Variants in NUB1 observed in about 807,000 individuals in gnomAD.
NUB1 encodes negative regulator of ubiquitin like proteins 1, also known as NEDD8 ultimate buster 1.
Under a neutral mutation model 77.1 loss-of-function variants are expected in NUB1, and 41 were observed. The observed-to-expected ratio is 0.53, with a 90% CI of 0.41 to 0.69. The LOEUF is 0.69. NUB1 is among the 30% of genes least tolerant of loss of function. The pLI is 0.00. For missense variants in NUB1, 643 were observed against 743.8 expected, an observed-to-expected ratio of 0.86 and a Z score of 1.58; for synonymous variants, 257 against 281.0, an observed-to-expected ratio of 0.91 and a Z score of 0.85.
intron 7 of NUB1, among the ~76,000 whole-genome samples, chr7:151,358,389 A>G (rs1797187956): frequency 6.6e-6 from 1 of 152,188 alleles, no homozygotes; most frequent in Non-Finnish European, 1.5e-5. Context: ...CAGGCTGCAG[A>G]TGGGTACCAG....
chr7:151,376,946 T>C lies in NUB1; in HGVS notation c.1670-101T>C, dbSNP rs936773504. 2.4e-5 allele frequency: 34 copies of C among 1,397,854 alleles called. No homozygotes were observed. In the African/African-American group the frequency reaches 4.6e-4, roughly 19 times the overall value. The allele number at this position is 1,397,854 out of a possible 1,614,324, so 86.6% of individuals were successfully genotyped here. A position where few individuals can be genotyped will look rare whatever the true frequency, so the allele number is the denominator to read the frequency against. On this transcript the variant is annotated intron_variant, in intron 14 of 14. Transcript: ENST00000568733. ...GTCACCGGGCCGGCCACCTGGACAG[T>C]GTGGCCAGCAAGAGGCACAGTCTGA...
intron 9 of NUB1, 64 bp downstream of exon 9, chr7:151,367,189 G>C: frequency 7.3e-7 from 1 of 1,378,518 alleles, no homozygotes; most frequent in Non-Finnish European, 1.0e-6. Context: ...GTTTATTCCT[G>C]TTAAAGTATT....
At chr7:151,344,856 C>T (rs2975200) in intron 1 of NUB1, among the ~76,000 whole-genome samples, 53,338 of 151,136 alleles carry the variant, frequency 0.35, 11,031 homozygotes, top group African/African-American at 0.59. Context: ...GAAAATTAGC[C>T]GGGCGTGGTG....
At chr7:151,349,786 C>T (rs1192118243) in intron 3 of NUB1, among the ~76,000 whole-genome samples, 1 of 152,230 alleles carries the variant, frequency 6.6e-6, no homozygotes, top group Non-Finnish European at 1.5e-5. Context: ...TAGGCTCCAG[C>T]CCTACTGGGT....
chr7:151,371,040 G>A (rs912520641), intron 11 of NUB1, among the ~76,000 whole-genome samples: 5 of 152,146 alleles, frequency 3.3e-5, no homozygotes, highest in Non-Finnish European at 7.4e-5. Context: ...GTCTTTTAAA[G>A]TATAGTGGAG....
chr7:151,370,655 T>C (rs1023047454), intron 11 of NUB1, among the ~76,000 whole-genome samples: 5 of 151,710 alleles, frequency 3.3e-5, no homozygotes, highest in African/African-American at 1.2e-4. Flanking sequence ...AACTCGTCAT[T>C]TAGCATTAGG....
intron 2 of NUB1, among the ~76,000 whole-genome samples, chr7:151,347,022 C>T (rs1419681834): frequency 2.6e-5 from 4 of 152,036 alleles, no homozygotes; most frequent in African/African-American, 7.3e-5. Context: ...GTAGGACTTC[C>T]AGTTGGTGTC....
chr7:151,376,334 G>T, intron 13 of NUB1: 1 of 489,824 alleles, frequency 2.0e-6, no homozygotes, highest in Non-Finnish European at 3.7e-6. Flanking sequence ...ACGCCTGTAT[G>T]CTGTGGCCAC....
Position 151,377,118 on chromosome 7 carries a change from G to T in NUB1, c.1741G>T (p.Glu581Ter). The change falls in exon 15 of 15, where the codon GAG (glutamate) becomes TAG (stop). Residue 581 changes from glutamate (E) to a stop codon, truncating the protein, a stop_gained. Coordinates refer to ENST00000568733, the MANE Select transcript of NUB1 (RefSeq NM_001243351.2). LOFTEE classifies it high-confidence loss of function. ...CAATGAGATACTGGAAGACATTCCA[G>T]AGCATGAGGAAGACTATCTTGACTC... ...AVNEILEDIP[E>*]HEEDYLDSTL... 1 of 1,586,860 alleles carries T rather than the reference G, an allele frequency of 6.3e-7. No homozygotes were observed. Among genetic ancestry groups the T allele is most frequent in the East Asian group, 2.3e-5 (1 of 43,952 alleles).
chr7:151,351,556 G>T lies in NUB1; in HGVS notation c.344+74G>T, dbSNP rs530876399. Reference sequence around the variant, plus strand: ...TTGGCTTATTTGATCCTCTGTGAGCGTCCTCTTAAGATAGGTAGGGCAGGT... The same window carrying T: ...TTGGCTTATTTGATCCTCTGTGAGCTTCCTCTTAAGATAGGTAGGGCAGGT... On this transcript the variant is annotated intron_variant, in intron 4 of 14. Transcript: ENST00000568733. 5.2e-5 allele frequency: 55 copies of T among 1,065,226 alleles called. No individual in the cohort carries two copies. The African/African-American group carries it at 7.0e-4, about 14-fold the overall frequency. 66.0% of individuals were successfully genotyped at this position (1,065,226 alleles called of 1,614,324 possible).
Position 151,368,862 on chromosome 7 carries a change from C to A in NUB1, c.1223C>A (p.Ala408Asp). ...RACDGNVDHA[A>D]THITNRREEL... The stretch of plus-strand genomic sequence containing the variant: ...TGTGATGGGAACGTGGATCATGCGG[C>A]CACTCATATTACCAACCGCAGAGAG... Residue 408 changes from alanine (A) to aspartate (D), a missense_variant, in exon 11 of 15, where the codon GCC (alanine) becomes GAC (aspartate). Transcript: ENST00000568733. 1 of 1,613,674 alleles carries A rather than the reference C, an allele frequency of 6.2e-7. No individual in the cohort carries two copies. The highest frequency in any genetic ancestry group is 8.5e-7 in the Non-Finnish European group (1 of 1,179,774).
At position 151,376,101 on chromosome 7, in the gene NUB1, C is replaced by A. The variant is rs548528611; in HGVS notation, c.1491+158C>A. On this transcript the variant is annotated intron_variant, in intron 13 of 14. Transcript: ENST00000568733. ...CTGCCCACCTCAGAGGCCACCCACGCAGTAACAGAGGGCAGGGGAGGCCTC... is the reference window on the plus strand; with the variant it reads ...CTGCCCACCTCAGAGGCCACCCACGAAGTAACAGAGGGCAGGGGAGGCCTC... The A allele has an allele frequency of 2.6e-5, 16 of 616,980 alleles. No individual in the cohort carries two copies. The African/African-American group carries it at 2.9e-4, about 11-fold the overall frequency. The allele number at this position is 616,980 out of a possible 1,614,324, so 38.2% of individuals were successfully genotyped here.
intron 11 of NUB1, among the ~76,000 whole-genome samples, chr7:151,371,074 A>C (rs1417381133): frequency 6.6e-6 from 1 of 152,112 alleles, no homozygotes; most frequent in Non-Finnish European, 1.5e-5. Context: ...ACATTTCTGA[A>C]GTTAAAAGCC....
chr7:151,377,021 C>T (rs754942454), intron 14 of NUB1, 26 bp from the exon 15 acceptor site: 1 of 1,508,498 alleles, frequency 6.6e-7, no homozygotes, highest in Non-Finnish European at 8.9e-7. Flanking sequence ...ACATAATTCA[C>T]TTACTCCTGC....
chr7:151,376,776 T>TGTCCCCGCCAGCCAC lies in NUB1; in HGVS notation c.1641_1655dup (p.Pro548_Pro552dup). The TGTCCCCGCCAGCCAC allele has an allele frequency of 6.3e-7, 1 of 1,593,060 alleles. No homozygotes were observed. Among genetic ancestry groups the TGTCCCCGCCAGCCAC allele is most frequent in the Non-Finnish European group, 8.5e-7 (1 of 1,170,886 alleles). On this transcript the variant is annotated inframe_insertion, in exon 14 of 15. Transcript: ENST00000568733. ...CTGCCGCTGTCGCCAGAAGACTCTT[T>TGTCCCCGCCAGCCAC]GTCCCCGCCAGCCACGTCCCCTTCT...
chr7:151,369,011 C>CT, intron 11 of NUB1, 124 bp downstream of exon 11: 1 of 1,145,712 alleles, frequency 8.7e-7, no homozygotes, highest in Non-Finnish European at 1.2e-6. Flanking sequence ...AGAAACTTGT[C>CT]CTTTTTTTTT....
At position 151,377,914 on chromosome 7, in the gene NUB1, A is replaced by C. The variant is rs1253760848; in HGVS notation, c.*689A>C. The C allele has an allele frequency of 6.6e-6, 1 of 152,214 alleles. No individual in the cohort carries two copies. The highest frequency in any genetic ancestry group is 2.4e-5 in the African/African-American group (1 of 41,460). The allele number at this position is 152,214 out of a possible 1,614,324, so 9.4% of individuals were successfully genotyped here. ...ATATTCAGCATTCCTCATTACAGAA[A>C]TCTTCTATTGAATGGGAAAGGTTTA... is the stretch of plus-strand genomic sequence containing the variant. On this transcript the variant is annotated 3_prime_UTR_variant, in exon 15 of 15. Coordinates refer to ENST00000568733, the MANE Select transcript of NUB1 (RefSeq NM_001243351.2).
chr7:151,367,088 G>A lies in NUB1; in HGVS notation c.950G>A (p.Cys317Tyr). The A allele has an allele frequency of 6.2e-7, 1 of 1,613,744 alleles. No homozygotes were observed. Among genetic ancestry groups the A allele is most frequent in the Non-Finnish European group, 8.5e-7 (1 of 1,179,814 alleles). ...TTGGCCCAGAAATGCTTTAAAAATT[G>A]TTACGGAGAAAATCATCAGAGACTG... ...LNLAQKCFKN[C>Y]YGENHQRLVH... is the part of the protein sequence containing the mutation. The change falls in exon 9 of 15, where the codon TGT (cysteine) becomes TAT (tyrosine). Residue 317 changes from cysteine (C) to tyrosine (Y), a missense_variant. Coordinates refer to ENST00000568733, the MANE Select transcript of NUB1 (RefSeq NM_001243351.2).
At chr7:151,357,156 G>A (rs1309134019) in intron 7 of NUB1, among the ~76,000 whole-genome samples, 1 of 150,310 alleles carries the variant, frequency 6.7e-6, no homozygotes, top group East Asian at 2.0e-4. Flanking sequence ...AGCTGGGACT[G>A]CAGGTACACA....
Sources: gnomAD v4.1 joint callset for allele counts (sites outside exome capture counted in the v4.1 genomes callset) on GRCh38, gnomAD v4.1.1 for gene constraint, MANE v1.5 for transcripts, NCBI Gene and HGNC (gene_info 2026-07-23, HGNC 2026-07-21) for gene names.